The following ADGB variants were observed in gnomAD, a reference collection of about 807,000 sequenced individuals.
ADGB encodes calpain-7-like protein.
Under a neutral mutation model 210.5 loss-of-function variants are expected in ADGB, and 172 were observed. That is an observed-to-expected ratio of 0.82 (90% confidence interval 0.72 to 0.93). The LOEUF (loss-of-function observed/expected upper bound fraction) is 0.93. ADGB is among the 40% of genes least tolerant of loss of function. ADGB has a pLI of 0.00. For missense variants in ADGB, 2,025 were observed against 1,964.8 expected (o/e 1.03, Z -0.58); for synonymous variants, 658 against 662.7 (o/e 0.99, Z 0.11).
At chr6:146,672,543 T>G (rs1776024837) in intron 8 of ADGB, 76 bp downstream of exon 8, 1 of 1,443,534 alleles carries the variant, frequency 6.9e-7, no homozygotes, top group South Asian at 1.5e-5. Context: ...TTTGATGTGT[T>G]GCTGGAAAGA....
intron 5 of ADGB, among the ~76,000 whole-genome samples, chr6:146,663,819 A>C (rs1775901038): frequency 6.6e-6 from 1 of 152,074 alleles, no homozygotes; most frequent in African/African-American, 2.4e-5. Flanking sequence ...TTATATTTGG[A>C]GAATTTGTAT....
intron 16 of ADGB, among the ~76,000 whole-genome samples, chr6:146,719,874 G>A (rs1053080759): frequency 6.6e-6 from 1 of 152,156 alleles, no homozygotes; most frequent in Admixed American, 6.5e-5. Context: ...TCAACAACAT[G>A]TCACAGCTGA....
At chr6:146,721,854 A>T (rs966506484) in intron 17 of ADGB, among the ~76,000 whole-genome samples, 1 of 152,074 alleles carries the variant, frequency 6.6e-6, no homozygotes, top group African/African-American at 2.4e-5. Context: ...AAATAAAAAA[A>T]TTTTAAAAAT....
At chr6:146,616,363 TTCTGTAGGTTG>T (rs1427619433) in intron 1 of ADGB, among the ~76,000 whole-genome samples, 1 of 151,990 alleles carries the variant, frequency 6.6e-6, no homozygotes, top group East Asian at 1.9e-4. Flanking sequence ...TTTTTGCCCC[TTCTGTAGGTTG>T]TCTGTTTACT....
chr6:146,758,089 C>T (rs565611711), intron 27 of ADGB, among the ~76,000 whole-genome samples: 1 of 152,058 alleles, frequency 6.6e-6, no homozygotes, highest in Non-Finnish European at 1.5e-5. Flanking sequence ...TCCTTCACCC[C>T]TGAATATCTC....
At chr6:146,770,390 C>G (rs1045448667) in intron 29 of ADGB, 3 of 214,840 alleles carry the variant, frequency 1.4e-5, no homozygotes, top group African/African-American at 7.0e-5. Flanking sequence ...ACCAAGAGTT[C>G]CCATTTCCAC....
At chr6:146,600,614 A>G (rs1464301775) in intron 1 of ADGB, among the ~76,000 whole-genome samples, 1 of 152,210 alleles carries the variant, frequency 6.6e-6, no homozygotes, top group Non-Finnish European at 1.5e-5. Context: ...AAAATAAAAC[A>G]AAACAAAACA....
chr6:146,674,851 T>C (rs1776065637), intron 8 of ADGB, among the ~76,000 whole-genome samples: 1 of 152,184 alleles, frequency 6.6e-6, no homozygotes, highest in South Asian at 2.1e-4. Flanking sequence ...TCTATCCAAA[T>C]TTCTATGTGA....
At chr6:146,758,571 C>T (rs1481064190) in intron 27 of ADGB, among the ~76,000 whole-genome samples, 1 of 151,896 alleles carries the variant, frequency 6.6e-6, no homozygotes, top group African/African-American at 2.4e-5. Flanking sequence ...AAGAAAGATA[C>T]AGAAAAATTG....
At position 146,666,676 on chromosome 6, in the gene ADGB, C is replaced by T. The variant is rs75749296; in HGVS notation, c.753-140C>T. On this transcript the variant is annotated intron_variant, in intron 6 of 35. Coordinates refer to ENST00000397944, the MANE Select transcript of ADGB (RefSeq NM_024694.4). Reference sequence around the variant, plus strand: ...TTCAGTGTTTTAACAAATAATTTGGCTTCTGGGATAGTATTTTTTAATACA... The same window carrying T: ...TTCAGTGTTTTAACAAATAATTTGGTTTCTGGGATAGTATTTTTTAATACA... 2.5e-3 allele frequency: 1,087 copies of T among 429,026 alleles called. 9 individuals are homozygous for T. The highest frequency in any genetic ancestry group is 0.019 in the African/African-American group (963 of 49,946). The allele number at this position is 429,026 out of a possible 1,614,324, so 26.6% of individuals were successfully genotyped here.
intron 30 of ADGB, among the ~76,000 whole-genome samples, chr6:146,782,460 C>T (rs561697192): frequency 1.3e-5 from 2 of 152,168 alleles, no homozygotes; most frequent in African/African-American, 2.4e-5. Context: ...TCAGTACTAA[C>T]CCTAAAAGAA....
intron 33 of ADGB, among the ~76,000 whole-genome samples, chr6:146,797,375 A>G (rs369905688): frequency 5.3e-5 from 8 of 152,198 alleles, no homozygotes; most frequent in Admixed American, 1.3e-4. Context: ...AGAAGTCACT[A>G]TATGAAAAAG....
intron 1 of ADGB, among the ~76,000 whole-genome samples, chr6:146,614,176 TCTCCCTCC>T (rs147963385): frequency 0.27 from 36,799 of 138,748 alleles, 6,124 homozygotes; most frequent in African/African-American, 0.45. Context: ...ACTTGTTTTC[TCTCCCTCC>T]CTCCCTCCCT....
At chr6:146,652,522 C>T (rs1284514623) in intron 3 of ADGB, among the ~76,000 whole-genome samples, 1 of 152,004 alleles carries the variant, frequency 6.6e-6, no homozygotes, top group Non-Finnish European at 1.5e-5. Flanking sequence ...AAACTGTTTT[C>T]ATGTTAATTT....
rs1395322215 is a variant in ADGB at position 146,728,663 on chromosome 6, T to A, written c.2442T>A (p.Ser814=). 29 of 1,551,538 alleles carry A rather than the reference T, an allele frequency of 1.9e-5. No homozygotes were observed. Among genetic ancestry groups the A allele is most frequent in the Non-Finnish European group, 2.4e-5 (28 of 1,146,940 alleles). ...IANFKDKGKL[S]AALKDLQTAH... is the part of the protein sequence containing the mutation. ...ATTTCAAAGATAAGGGTAAACTCTC[T>A]GCAGCTTTGAAGGATCTGCAAACAG... The change falls in exon 20 of 36, where the codon TCT becomes TCA. Residue 814 remains serine (S), a synonymous_variant. Coordinates refer to ENST00000397944, the MANE Select transcript of ADGB (RefSeq NM_024694.4).
At chr6:146,783,108 C>G (rs1032103947) in intron 30 of ADGB, among the ~76,000 whole-genome samples, 1 of 151,830 alleles carries the variant, frequency 6.6e-6, no homozygotes, top group Non-Finnish European at 1.5e-5. Context: ...CAAAGTGTGT[C>G]AGGAACAGGA....
chr6:146,799,075 A>AC (rs1402527984), intron 33 of ADGB, among the ~76,000 whole-genome samples: 6 of 151,120 alleles, frequency 4.0e-5, no homozygotes, highest in Non-Finnish European at 8.9e-5. Context: ...AAAAAAAAAA[A>AC]AAAACAGAAA....
In ADGB at chr6:146,733,843, G is replaced by A. The variant is rs1194579032; in HGVS notation, c.2657-50G>A. On this transcript the variant is annotated intron_variant, in intron 21 of 35. Coordinates refer to ENST00000397944, the MANE Select transcript of ADGB (RefSeq NM_024694.4). ...GCAGCTGAAGGCGTTGAAACTTAGG[G>A]AAGGGATTAAATATAACTTTCAGTC... 3.9e-6 allele frequency: 6 copies of A among 1,547,678 alleles called. No homozygotes were observed. In the Admixed American group the frequency reaches 1.2e-4, roughly 31 times the overall value.
chr6:146,616,580 T>A (rs1780802413), intron 1 of ADGB, among the ~76,000 whole-genome samples: 1 of 152,194 alleles, frequency 6.6e-6, no homozygotes, highest in African/African-American at 2.4e-5. Flanking sequence ...TTTAAATGTT[T>A]AATCCGTTTT....
Sources: gnomAD v4.1 joint callset for allele counts (sites outside exome capture counted in the v4.1 genomes callset) on GRCh38, gnomAD v4.1.1 for gene constraint, MANE v1.5 for transcripts, NCBI Gene and HGNC (gene_info 2026-07-23, HGNC 2026-07-21) for gene names.